The following PRR16 variants were observed in gnomAD, a reference collection of about 807,000 sequenced individuals.
The protein encoded by PRR16 is protein Largen.
A neutral mutation model predicts 18.2 loss-of-function variants in PRR16; 6 were observed. The observed-to-expected ratio is 0.33, with a 90% CI of 0.18 to 0.65. The LOEUF (loss-of-function observed/expected upper bound fraction) is 0.65, where lower values mean the gene tolerates loss of function less well. Ranked by LOEUF, PRR16 falls within the 30% of genes least tolerant of loss-of-function variation. PRR16 has a pLI of 0.74. For synonymous variants in PRR16, 151 were observed against 147.8 expected, an observed-to-expected ratio of 1.02 and a Z score of -0.16; for missense variants, 412 against 376.6, an observed-to-expected ratio of 1.09 and a Z score of -0.78.
the PRR16 span, among the ~76,000 whole-genome samples, chr5:120,778,368 G>T: frequency 6.6e-6 from 1 of 152,116 alleles, no homozygotes; most frequent in African/African-American, 2.4e-5. Context: ...TGTAGTTGGA[G>T]CAAGACATTT....
intron 1 of PRR16, among the ~76,000 whole-genome samples, chr5:120,558,995 A>T (rs1296119752): frequency 1.3e-5 from 2 of 151,444 alleles, no homozygotes; most frequent in Non-Finnish European, 3.0e-5. Flanking sequence ...GATTATTATT[A>T]TTTTTCCTGT....
At chr5:120,676,701 A>T (rs1756811664) in intron 1 of PRR16, among the ~76,000 whole-genome samples, 1 of 152,132 alleles carries the variant, frequency 6.6e-6, no homozygotes, top group Non-Finnish European at 1.5e-5. Context: ...ATGTGGAAAT[A>T]TGTAAGGAGT....
intron 1 of PRR16, among the ~76,000 whole-genome samples, chr5:120,655,214 A>G (rs1005728124): frequency 1.3e-5 from 2 of 151,880 alleles, no homozygotes; most frequent in East Asian, 1.9e-4. Flanking sequence ...ATTTAATAAT[A>G]CAATACTTAA....
the PRR16 span, among the ~76,000 whole-genome samples, chr5:120,737,852 G>A: frequency 1.3e-5 from 2 of 151,928 alleles, no homozygotes; most frequent in South Asian, 2.1e-4. Flanking sequence ...TTGATAGGTT[G>A]TATTTCTAAT....
chr5:120,777,210 A>G, the PRR16 span, among the ~76,000 whole-genome samples: 1 of 152,118 alleles, frequency 6.6e-6, no homozygotes, highest in Non-Finnish European at 1.5e-5. Flanking sequence ...GGCAATGAAA[A>G]TAACCAAATG....
At chr5:120,754,494 G>A in the PRR16 span, among the ~76,000 whole-genome samples, 29,749 of 59,746 alleles carry the variant, frequency 0.5, 8,246 homozygotes, top group East Asian at 0.72. Flanking sequence ...TATATAGTAT[G>A]TATTTTATTA....
At chr5:120,468,470 T>TG (rs1035856069) in intron 1 of PRR16, among the ~76,000 whole-genome samples, 3 of 152,130 alleles carry the variant, frequency 2.0e-5, no homozygotes, top group African/African-American at 7.2e-5. Context: ...TTCTACACAT[T>TG]GAAAAAAAAG....
chr5:120,536,135 G>T (rs1751709052), intron 1 of PRR16, among the ~76,000 whole-genome samples: 1 of 152,160 alleles, frequency 6.6e-6, no homozygotes, highest in African/African-American at 2.4e-5. Context: ...TTACAGAATT[G>T]TGATAGTTGG....
chr5:120,632,315 AGGT>A (rs1422508044), intron 1 of PRR16, among the ~76,000 whole-genome samples: 1 of 152,124 alleles, frequency 6.6e-6, no homozygotes, highest in Admixed American at 6.6e-5. Flanking sequence ...TGGCAAAACA[AGGT>A]TCTTTAACAC....
At chr5:120,753,200 T>C in the PRR16 span, among the ~76,000 whole-genome samples, 12 of 152,028 alleles carry the variant, frequency 7.9e-5, no homozygotes, top group South Asian at 1.7e-3. Flanking sequence ...TCAAATGAAT[T>C]AAATGGTCTA....
the PRR16 span, among the ~76,000 whole-genome samples, chr5:120,736,537 C>CTTTTTTTTTTT: frequency 5.6e-5 from 3 of 54,020 alleles, no homozygotes; most frequent in Non-Finnish European, 1.0e-4. Flanking sequence ...AGTGTAAAGG[C>CTTTTTTTTTTT]TTTTTTTTTT....
chr5:120,499,428 TTTG>T (rs1750373813), intron 1 of PRR16, among the ~76,000 whole-genome samples: 2 of 152,128 alleles, frequency 1.3e-5, no homozygotes, highest in African/African-American at 2.4e-5. Context: ...CGAGTCTCTT[TTTG>T]TTGTTGTTTT....
At chr5:120,639,886 A>C (rs1755364246) in intron 1 of PRR16, among the ~76,000 whole-genome samples, 1 of 151,998 alleles carries the variant, frequency 6.6e-6, no homozygotes, top group Admixed American at 6.6e-5. Flanking sequence ...CATGGAATCA[A>C]CCTAGATGTC....
At chr5:120,769,435 T>C in the PRR16 span, among the ~76,000 whole-genome samples, 2 of 151,990 alleles carry the variant, frequency 1.3e-5, no homozygotes, top group East Asian at 1.9e-4. Flanking sequence ...TATGGCACTA[T>C]ATTGTACATC....
At chr5:120,785,596 A>T in the PRR16 span, among the ~76,000 whole-genome samples, 1 of 57,492 alleles carries the variant, frequency 1.7e-5, no homozygotes, top group African/African-American at 6.6e-5. Context: ...TTTTTGAGAC[A>T]GAGTCTTTCT....
the PRR16 span, among the ~76,000 whole-genome samples, chr5:120,754,800 T>C: frequency 1.3e-5 from 2 of 150,346 alleles, no homozygotes; most frequent in Non-Finnish European, 3.0e-5. Flanking sequence ...CTCTATACCA[T>C]TGGTAAATTA....
At chr5:120,685,338 T>A (rs1421838798) in intron 1 of PRR16, among the ~76,000 whole-genome samples, 1 of 152,158 alleles carries the variant, frequency 6.6e-6, no homozygotes, top group Non-Finnish European at 1.5e-5. Flanking sequence ...TAATAGCACA[T>A]ATTCAACCTT....
At chr5:120,605,162 C>G (rs1278856521) in intron 1 of PRR16, among the ~76,000 whole-genome samples, 1 of 152,120 alleles carries the variant, frequency 6.6e-6, no homozygotes. Flanking sequence ...CTTGCTGTTT[C>G]TCCATCTCTT....
chr5:120,738,507 C>A, the PRR16 span, among the ~76,000 whole-genome samples: 3 of 151,980 alleles, frequency 2.0e-5, no homozygotes, highest in African/African-American at 7.2e-5. Flanking sequence ...CCACTTTGTT[C>A]ATTTAATAAC....
Sources: allele counts gnomAD v4.1 joint callset (sites outside exome capture counted in the v4.1 genomes callset), GRCh38; gene constraint gnomAD v4.1.1; transcripts MANE v1.5; gene names NCBI Gene and HGNC (gene_info 2026-07-23, HGNC 2026-07-21).